The following ACP7 variants were observed in gnomAD, a reference collection of about 807,000 sequenced individuals.
ACP7 encodes acid phosphatase 7, tartrate resistant (putative).
In ACP7, 58 loss-of-function variants were observed where a neutral mutation model predicts 60.6. That is an observed-to-expected ratio of 0.96 (90% CI 0.77 to 1.19). ACP7 has a LOEUF of 1.19. Among genes scored for constraint, ACP7 ranks in the 50% most tolerant of loss-of-function variants. ACP7 has a pLI of 0.00. For synonymous variants in ACP7, 237 were observed against 232.6 expected, an observed-to-expected ratio of 1.02 and a Z score of -0.17; for missense variants, 574 against 596.2, an observed-to-expected ratio of 0.96 and a Z score of 0.39.
intron 4 of ACP7, among the ~76,000 whole-genome samples, chr19:39,099,709 TG>T (rs2073316797): frequency 6.6e-6 from 1 of 151,984 alleles, no homozygotes; most frequent in African/African-American, 2.4e-5. Context: ...ATACTCATCT[TG>T]GGCCAGGCGC....
At chr19:39,102,785 C>T (rs77546187) in intron 11 of ACP7, among the ~76,000 whole-genome samples, 2,413 of 117,126 alleles carry the variant, frequency 0.021, 53 homozygotes, top group East Asian at 0.054. Context: ...CTCTCTTTCT[C>T]TCTCTCTCTT....
intron 2 of ACP7, among the ~76,000 whole-genome samples, chr19:39,085,652 C>G (rs2073133254): frequency 6.6e-6 from 1 of 152,216 alleles, no homozygotes; most frequent in Admixed American, 6.5e-5. Flanking sequence ...CATTGCATCT[C>G]TGTTGTGTTT....
intron 2 of ACP7, among the ~76,000 whole-genome samples, chr19:39,089,856 T>A (rs1170799692): frequency 6.6e-6 from 1 of 152,252 alleles, no homozygotes; most frequent in Non-Finnish European, 1.5e-5. Flanking sequence ...AATCAAGATG[T>A]GGCTGTGACT....
rs1308428724 is a variant in ACP7 at position 39,098,646 on chromosome 19, G to A, written c.310G>A (p.Gly104Arg). Residue 104 changes from glycine (G) to arginine (R), a missense_variant, in exon 3 of 13, where the codon GGG becomes AGG. Coordinates refer to ENST00000331256, the MANE Select transcript of ACP7 (RefSeq NM_001004318.3). ...HRVTLRKLLP[G>R]VQYVYRCGSA... Reference sequence around the variant, plus strand: ...AGTCACGCTTCGCAAGCTGCTGCCAGGGGTTCAGTATGGTGAGAGGGGCCC... The same window carrying A: ...AGTCACGCTTCGCAAGCTGCTGCCAAGGGTTCAGTATGGTGAGAGGGGCCC... 6.2e-7 allele frequency: 1 copy of A among 1,611,888 alleles called. No homozygotes were observed. Among genetic ancestry groups the A allele is most frequent in the Admixed American group, 1.7e-5 (1 of 59,848 alleles).
At position 39,100,221 on chromosome 19, in the gene ACP7, C is replaced by T; in HGVS notation, c.506-6C>T. The T allele has an allele frequency of 6.2e-7, 1 of 1,613,808 alleles. No homozygotes were observed. ...GTCCTCACCCTCCTTCCGCCCCCTC[C>T]CCCAGGAGACTTTGCCTACAACCTG... On this transcript the variant is annotated splice_region_variant and splice_polypyrimidine_tract_variant and intron_variant, in intron 4 of 12. Transcript: ENST00000331256.
In ACP7 at chr19:39,099,005, T is replaced by C; in HGVS notation, c.368T>C (p.Phe123Ser). 2 of 1,613,708 alleles carry C rather than the reference T, an allele frequency of 1.2e-6. No individual in the cohort carries two copies. The highest frequency in any genetic ancestry group is 1.7e-6 in the Non-Finnish European group (2 of 1,179,960). Reference protein sequence around the residue: ...SAQGWSRRFRFRALKNGAHWS... With the variant: ...SAQGWSRRFRSRALKNGAHWS... Reference sequence around the variant, plus strand: ...CAGGGCTGGAGCCGTCGGTTCCGCTTCAGGGCCCTCAAGAATGGGGCCCAC... The same window carrying C: ...CAGGGCTGGAGCCGTCGGTTCCGCTCCAGGGCCCTCAAGAATGGGGCCCAC... The change falls in exon 4 of 13, where the codon TTC (phenylalanine) becomes TCC (serine). Residue 123 changes from phenylalanine (F) to serine (S), a missense_variant. By Grantham distance (155) the Phe-to-Ser change is radical (BLOSUM62 -2). Coordinates refer to ENST00000331256, the MANE Select transcript of ACP7 (RefSeq NM_001004318.3).
intron 4 of ACP7, among the ~76,000 whole-genome samples, chr19:39,099,800 C>G (rs1294039204): frequency 6.6e-6 from 1 of 151,514 alleles, no homozygotes; most frequent in Non-Finnish European, 1.5e-5. Flanking sequence ...CGAGACCAGC[C>G]CAGCCAACAT....
At chr19:39,087,833 C>A (rs2073162161) in intron 2 of ACP7, among the ~76,000 whole-genome samples, 1 of 151,862 alleles carries the variant, frequency 6.6e-6, no homozygotes, top group African/African-American at 2.4e-5. Context: ...GGGGTTTCAC[C>A]ATGTTGGCCA....
At chr19:39,085,824 G>T (rs902325190) in intron 2 of ACP7, among the ~76,000 whole-genome samples, 2 of 152,116 alleles carry the variant, frequency 1.3e-5, no homozygotes, top group Non-Finnish European at 2.9e-5. Flanking sequence ...CTTTGATTAG[G>T]ATCCTTCCAC....
intron 1 of ACP7, among the ~76,000 whole-genome samples, chr19:39,084,873 C>T (rs1042345550): frequency 1.3e-5 from 2 of 152,104 alleles, no homozygotes; most frequent in African/African-American, 4.8e-5. Flanking sequence ...GGTTCAAATC[C>T]TGGCTCCATC....
intron 2 of ACP7, among the ~76,000 whole-genome samples, chr19:39,096,893 C>T (rs977913593): frequency 1.3e-5 from 2 of 152,172 alleles, no homozygotes; most frequent in African/African-American, 4.8e-5. Flanking sequence ...CCTCCATCTC[C>T]CGGGTTCAAG....
intron 4 of ACP7, 128 bp from the exon 5 acceptor site, chr19:39,100,099 G>T: frequency 2.3e-6 from 3 of 1,322,064 alleles, no homozygotes; most frequent in Non-Finnish European, 3.1e-6. Flanking sequence ...GGGCTCAAGT[G>T]ATACTCTTGC....
At chr19:39,087,694 C>A (rs1165504801) in intron 2 of ACP7, among the ~76,000 whole-genome samples, 1 of 149,230 alleles carries the variant, frequency 6.7e-6, no homozygotes, top group African/African-American at 2.5e-5. Context: ...AGTGCAATGG[C>A]ATGATCTTGG....
chr19:39,087,776 GGC>G (rs1568473866), intron 2 of ACP7, among the ~76,000 whole-genome samples: 3 of 151,956 alleles, frequency 2.0e-5, no homozygotes, highest in Non-Finnish European at 4.4e-5. Flanking sequence ...TGGGATTACA[GGC>G]ATGCACCACC....
chr19:39,087,194 T>C (rs2073152706), intron 2 of ACP7, among the ~76,000 whole-genome samples: 2 of 152,034 alleles, frequency 1.3e-5, no homozygotes, highest in South Asian at 4.1e-4. Flanking sequence ...GTATTTTTTA[T>C]ACAGATGGAA....
In ACP7 at chr19:39,100,126, G is replaced by A. The variant is rs182823425; in HGVS notation, c.506-101G>A. 8.8e-5 allele frequency: 131 copies of A among 1,496,372 alleles called. No homozygotes were observed. In the African/African-American group the frequency reaches 8.9e-4, roughly 10 times the overall value. The allele number at this position is 1,496,372 out of a possible 1,614,324, so 92.7% of individuals were successfully genotyped here. Reference sequence around the variant, plus strand: ...TACTCTTGCCTTGGCCTCCCGAAGCGCTGGGATTAACAGGTGTGAGTCACC... The same window carrying A: ...TACTCTTGCCTTGGCCTCCCGAAGCACTGGGATTAACAGGTGTGAGTCACC... On this transcript the variant is annotated intron_variant, in intron 4 of 12. Coordinates refer to ENST00000331256, the MANE Select transcript of ACP7 (RefSeq NM_001004318.3).
chr19:39,098,668 G>A lies in ACP7; in HGVS notation c.322+10G>A, dbSNP rs756114485. 1.7e-5 allele frequency: 27 copies of A among 1,601,600 alleles called. No homozygotes were observed. The highest frequency in any genetic ancestry group is 2.3e-5 in the Non-Finnish European group (27 of 1,173,292). On this transcript the variant is annotated intron_variant, in intron 3 of 12. Transcript: ENST00000331256. ...CCAGGGGTTCAGTATGGTGAGAGGG[G>A]CCCCAGGCTGAGCTGTTGAGGAGGA...
At chr19:39,105,839 C>A (rs959104619) in intron 11 of ACP7, among the ~76,000 whole-genome samples, 4 of 152,146 alleles carry the variant, frequency 2.6e-5, no homozygotes, top group Non-Finnish European at 5.9e-5. Context: ...CCTCTTTGAG[C>A]CTCTGATTTC....
intron 2 of ACP7, among the ~76,000 whole-genome samples, chr19:39,085,987 T>C (rs541796448): frequency 6.6e-6 from 1 of 152,200 alleles, no homozygotes; most frequent in Non-Finnish European, 1.5e-5. Context: ...GTAATATTAG[T>C]ACAACCTCAT....
Sources: gnomAD v4.1 joint callset for allele counts (sites outside exome capture counted in the v4.1 genomes callset) on GRCh38, gnomAD v4.1.1 for gene constraint, MANE v1.5 for transcripts, NCBI Gene and HGNC (gene_info 2026-07-23, HGNC 2026-07-21) for gene names.